WWOX: variants seen among roughly 807,000 people sequenced by gnomAD.
WWOX encodes the protein WW domain-containing oxidoreductase.
In WWOX, 69 loss-of-function variants were observed where a neutral mutation model predicts 46.2. The observed-to-expected ratio is 1.49, with a 90% CI of 1.23 to 1.82. The LOEUF (loss-of-function observed/expected upper bound fraction) is 1.82. Ranked by LOEUF, WWOX falls within the 40% of genes most tolerant of loss-of-function variation. WWOX has a pLI of 0.00. For synonymous variants in WWOX, 359 were observed against 202.6 expected (o/e 1.77, Z -6.56); for missense variants, 919 against 542.6 (o/e 1.69, Z -6.89).
At chr16:78,688,411 G>A (rs2047910632) in intron 8 of WWOX, among the ~76,000 whole-genome samples, 1 of 148,992 alleles carries the variant, frequency 6.7e-6, no homozygotes, top group African/African-American at 2.5e-5. Context: ...ACTTTTTCAG[G>A]TCCTGATGCA....
intron 8 of WWOX, among the ~76,000 whole-genome samples, chr16:79,006,736 C>T (rs757939622): frequency 5.3e-5 from 8 of 152,088 alleles, no homozygotes; most frequent in East Asian, 1.9e-4. Context: ...TGTACCCTTG[C>T]GTCTTCCGTT....
At chr16:78,947,153 A>T (rs951987319) in intron 8 of WWOX, among the ~76,000 whole-genome samples, 1 of 152,160 alleles carries the variant, frequency 6.6e-6, no homozygotes. Context: ...TCCATTAAAA[A>T]TAGATCAAAA....
At chr16:78,767,428 C>G (rs370522413) in intron 8 of WWOX, among the ~76,000 whole-genome samples, 1 of 151,966 alleles carries the variant, frequency 6.6e-6, no homozygotes, top group Non-Finnish European at 1.5e-5. Flanking sequence ...CCACACCTGC[C>G]ACAAAATTTC....
At chr16:78,444,752 G>A (rs1035957435) in intron 8 of WWOX, among the ~76,000 whole-genome samples, 1 of 151,888 alleles carries the variant, frequency 6.6e-6, no homozygotes, top group Non-Finnish European at 1.5e-5. Context: ...GGATGGTCTC[G>A]ATCTCCTGAC....
Position 78,935,954 on chromosome 16 carries a change from G to C in WWOX, c.1057-275654G>C, listed in dbSNP as rs149257749. On this transcript the variant is annotated intron_variant, in intron 8 of 8. Transcript: ENST00000566780. The stretch of plus-strand genomic sequence containing the variant: ...AATAAGCAGCAGCAGCAGCAGCTAG[G>C]TTCCAAAAAAAAAGTTGGAAGGGTG... 1.5e-3 allele frequency among the ~76,000 whole-genome samples: 230 copies of C among 152,100 alleles called. 1 individual carries two copies. The highest frequency in any genetic ancestry group is 5.2e-3 in the African/African-American group (214 of 41,518).
chr16:78,780,820 A>G (rs2050307129), intron 8 of WWOX, among the ~76,000 whole-genome samples: 1 of 152,198 alleles, frequency 6.6e-6, no homozygotes. Flanking sequence ...GATACCAGCT[A>G]GGATTTCACT....
At chr16:78,743,000 C>G (rs982005311) in intron 8 of WWOX, among the ~76,000 whole-genome samples, 25 of 151,030 alleles carry the variant, frequency 1.7e-4, no homozygotes, top group African/African-American at 5.9e-4. Context: ...ACCCCAACTC[C>G]CCACATACAG....
intron 8 of WWOX, among the ~76,000 whole-genome samples, chr16:79,036,459 A>G (rs1440007601): frequency 2.0e-5 from 3 of 152,210 alleles, no homozygotes; most frequent in Non-Finnish European, 4.4e-5. Flanking sequence ...ATCATTCATG[A>G]CATGTGAGGC....
intron 8 of WWOX, among the ~76,000 whole-genome samples, chr16:78,968,482 C>T (rs191500737): frequency 5.3e-5 from 8 of 152,298 alleles, no homozygotes; most frequent in South Asian, 2.1e-4. Context: ...CAGTCTTCAT[C>T]GTGGATGCAA....
chr16:78,325,650 C>G (rs187659759), intron 5 of WWOX, among the ~76,000 whole-genome samples: 126 of 152,324 alleles, frequency 8.3e-4, no homozygotes, highest in African/African-American at 2.9e-3. Flanking sequence ...CTCCGTTTGG[C>G]AGCTTGATTA....
chr16:78,602,453 C>T (rs1431080134), intron 8 of WWOX, among the ~76,000 whole-genome samples: 6 of 152,112 alleles, frequency 3.9e-5, no homozygotes, highest in African/African-American at 7.2e-5. Flanking sequence ...AGGCTGATCT[C>T]GAACTCCTGC....
chr16:78,476,661 C>T (rs928351731), intron 8 of WWOX, among the ~76,000 whole-genome samples: 3 of 151,836 alleles, frequency 2.0e-5, no homozygotes, highest in African/African-American at 7.3e-5. Flanking sequence ...GTTTTCATTT[C>T]AAGACCCGTC....
At chr16:78,363,457 T>A (rs2081458009) in intron 5 of WWOX, among the ~76,000 whole-genome samples, 1 of 151,792 alleles carries the variant, frequency 6.6e-6, no homozygotes, top group South Asian at 2.1e-4. Flanking sequence ...AAAAAAAAAT[T>A]TTGTAGTGAC....
intron 5 of WWOX, among the ~76,000 whole-genome samples, chr16:78,289,752 A>T (rs1431425720): frequency 1.3e-5 from 2 of 152,230 alleles, no homozygotes; most frequent in African/African-American, 4.8e-5. Context: ...GTTTTCTTTT[A>T]TACTGGCTAG....
intron 6 of WWOX, among the ~76,000 whole-genome samples, chr16:78,417,722 A>C (rs1254221636): frequency 1.3e-5 from 2 of 152,192 alleles, no homozygotes; most frequent in Non-Finnish European, 2.9e-5. Flanking sequence ...AGCAGAGTCT[A>C]ATGAGTGTTA....
intron 8 of WWOX, among the ~76,000 whole-genome samples, chr16:78,657,527 C>A (rs925233683): frequency 2.0e-5 from 3 of 152,140 alleles, no homozygotes; most frequent in Admixed American, 2.0e-4. Flanking sequence ...ATCAGCAGAC[C>A]CAGAGTCTAA....
At chr16:79,184,385 T>TG (rs2050973024) in intron 8 of WWOX, among the ~76,000 whole-genome samples, 2 of 152,174 alleles carry the variant, frequency 1.3e-5, no homozygotes, top group South Asian at 4.1e-4. Context: ...AGTGTGTCCA[T>TG]GGGGGCAGAG....
At chr16:78,649,817 C>G (rs1163055917) in intron 8 of WWOX, among the ~76,000 whole-genome samples, 2 of 152,122 alleles carry the variant, frequency 1.3e-5, no homozygotes, top group Non-Finnish European at 2.9e-5. Flanking sequence ...CTTGATTTTG[C>G]AGGTCTGATT....
intron 8 of WWOX, among the ~76,000 whole-genome samples, chr16:78,932,947 T>C (rs1288242968): frequency 6.6e-6 from 1 of 152,218 alleles, no homozygotes; most frequent in East Asian, 1.9e-4. Flanking sequence ...CTGCCTGCCC[T>C]CTGGTTGAAA....
Sources: gnomAD v4.1 joint callset for allele counts (sites outside exome capture counted in the v4.1 genomes callset) on GRCh38, gnomAD v4.1.1 for gene constraint, MANE v1.5 for transcripts, NCBI Gene and HGNC (gene_info 2026-07-23, HGNC 2026-07-21) for gene names.